MTUS1: variants seen among roughly 807,000 people sequenced by gnomAD.
MTUS1 encodes the protein microtubule associated scaffold protein 1.
MTUS1 carries 109 observed loss-of-function variants against 120.8 expected under a neutral mutation model. That is an observed-to-expected ratio of 0.90 (90% CI 0.77 to 1.06). The LOEUF is 1.06. MTUS1 is among the 50% of genes least tolerant of loss of function. MTUS1 has a pLI of 0.00. For synonymous variants in MTUS1, 737 were observed against 550.5 expected (o/e 1.34, Z -4.74); for missense variants, 2,210 against 1,486.3 (o/e 1.49, Z -8.01).
In MTUS1 at chr8:17,649,640, G is replaced by T. The variant is rs1585387822; in HGVS notation, c.3501+206C>A. On this transcript the variant is annotated intron_variant, in intron 13 of 14. Coordinates refer to ENST00000693296, the MANE Select transcript of MTUS1 (RefSeq NM_001363059.2). ...CCAAGGACTGGGTGCTGTTTTACAT[G>T]TTCCTTGAAAAAGAAAACATTCTAG... 1.3e-5 allele frequency among the ~76,000 whole-genome samples: 2 copies of T among 152,268 alleles called. 1 individual carries two copies. Among genetic ancestry groups the T allele is most frequent in the Admixed American group, 1.3e-4 (2 of 15,302 alleles).
chr8:17,723,650 G>T, intron 4 of MTUS1, 22 bp downstream of exon 4: 1 of 1,599,600 alleles, frequency 6.3e-7, no homozygotes, highest in Non-Finnish European at 8.6e-7. Context: ...AACCCCCGAA[G>T]TGTGATATAA....
chr8:17,676,112 G>A (rs536710311), intron 7 of MTUS1: 7 of 602,046 alleles, frequency 1.2e-5, no homozygotes, highest in South Asian at 8.0e-5. Context: ...CACCCAAGAC[G>A]GAGCTCCCAC....
chr8:17,654,728 CAA>C, intron 9 of MTUS1, 62 bp from the exon 10 acceptor site: 1 of 1,167,010 alleles, frequency 8.6e-7, no homozygotes. Flanking sequence ...GTTGAATACG[CAA>C]AGCAACCACA....
At chr8:17,695,741 T>G (rs1000731286) in intron 6 of MTUS1, among the ~76,000 whole-genome samples, 1 of 152,028 alleles carries the variant, frequency 6.6e-6, no homozygotes, top group African/African-American at 2.4e-5. Flanking sequence ...CACATGCAAA[T>G]CTAAAACACA....
chr8:17,757,742 G>C (rs753915240), intron 1 of MTUS1, among the ~76,000 whole-genome samples: 3 of 152,098 alleles, frequency 2.0e-5, no homozygotes, highest in Non-Finnish European at 2.9e-5. Flanking sequence ...GGCCAGGCTG[G>C]TCTCGAACTC....
intron 6 of MTUS1, among the ~76,000 whole-genome samples, chr8:17,697,979 GAA>G (rs1489599273): frequency 1.3e-5 from 2 of 151,760 alleles, no homozygotes; most frequent in African/African-American, 4.8e-5. Context: ...TGGTATTTTG[GAA>G]AAGTTTTTTT....
At chr8:17,648,994 A>G (rs1806412533) in intron 13 of MTUS1, among the ~76,000 whole-genome samples, 1 of 152,246 alleles carries the variant, frequency 6.6e-6, no homozygotes, top group African/African-American at 2.4e-5. Flanking sequence ...TGCCACTCAC[A>G]CTAACATCGT....
intron 8 of MTUS1, among the ~76,000 whole-genome samples, chr8:17,664,411 C>A (rs914240503): frequency 2.6e-5 from 4 of 151,936 alleles, no homozygotes; most frequent in African/African-American, 9.7e-5. Flanking sequence ...ATACTCCTTT[C>A]CCAGACGCTC....
At chr8:17,685,784 T>C (rs953352620) in intron 6 of MTUS1, among the ~76,000 whole-genome samples, 2 of 152,226 alleles carry the variant, frequency 1.3e-5, no homozygotes, top group Non-Finnish European at 2.9e-5. Context: ...AGTTCTAAAA[T>C]CACTAAAATA....
At chr8:17,781,504 T>A (rs2050872485) in intron 1 of MTUS1, among the ~76,000 whole-genome samples, 2 of 152,262 alleles carry the variant, frequency 1.3e-5, no homozygotes, top group Non-Finnish European at 2.9e-5. Context: ...ATGACAGTGA[T>A]TAATATTAAA....
chr8:17,799,721 T>C (rs914332078), intron 1 of MTUS1, among the ~76,000 whole-genome samples: 2 of 152,168 alleles, frequency 1.3e-5, no homozygotes, highest in Admixed American at 6.5e-5. Context: ...GTTCCAAGCA[T>C]GATTTTCTAC....
At chr8:17,709,784 G>C (rs1276112175) in intron 6 of MTUS1, among the ~76,000 whole-genome samples, 1 of 152,040 alleles carries the variant, frequency 6.6e-6, no homozygotes, top group African/African-American at 2.4e-5. Flanking sequence ...CGAGGCAGGT[G>C]GATCATGAAG....
At chr8:17,659,565 G>A (rs1259293780) in intron 8 of MTUS1, among the ~76,000 whole-genome samples, 1 of 151,982 alleles carries the variant, frequency 6.6e-6, no homozygotes, top group Non-Finnish European at 1.5e-5. Context: ...GTGGTGGTGT[G>A]TGCCTGTAGT....
At chr8:17,647,952 C>T (rs76756081) in intron 13 of MTUS1, among the ~76,000 whole-genome samples, 1 of 152,110 alleles carries the variant, frequency 6.6e-6, no homozygotes, top group Non-Finnish European at 1.5e-5. Context: ...TTAAGACATC[C>T]TGTTATCCAG....
intron 1 of MTUS1, among the ~76,000 whole-genome samples, chr8:17,772,511 C>G (rs942794189): frequency 1.3e-5 from 2 of 152,150 alleles, no homozygotes; most frequent in African/African-American, 4.8e-5. Context: ...GTAGAAGAGG[C>G]CAGTGTACTC....
At chr8:17,703,877 C>G (rs987134449) in intron 6 of MTUS1, 2 of 152,200 alleles carry the variant, frequency 1.3e-5, no homozygotes, top group African/African-American at 4.8e-5. Flanking sequence ...GTAATCTTTG[C>G]TCTGCCTTTT....
At chr8:17,722,052 A>C in intron 4 of MTUS1, 1 of 1,308,092 alleles carries the variant, frequency 7.6e-7, no homozygotes, top group Non-Finnish European at 9.7e-7. Flanking sequence ...TAAACCAGCT[A>C]GCAAATCAAA....
At chr8:17,728,565 G>T (rs1461496970) in intron 3 of MTUS1, among the ~76,000 whole-genome samples, 1 of 152,196 alleles carries the variant, frequency 6.6e-6, no homozygotes, top group Admixed American at 6.5e-5. Flanking sequence ...AGAATTAGAC[G>T]TTCTCAGTAA....
chr8:17,776,827 A>G (rs932873072), intron 1 of MTUS1, among the ~76,000 whole-genome samples: 1 of 152,094 alleles, frequency 6.6e-6, no homozygotes, highest in East Asian at 1.9e-4. Context: ...CACTATTAAC[A>G]ACTGTTTTCC....
Sources: gnomAD v4.1 joint callset for allele counts (sites outside exome capture counted in the v4.1 genomes callset) on GRCh38, gnomAD v4.1.1 for gene constraint, MANE v1.5 for transcripts, NCBI Gene and HGNC (gene_info 2026-07-23, HGNC 2026-07-21) for gene names.